The following TRPV3 variants were observed in gnomAD, a reference collection of about 807,000 sequenced individuals.
TRPV3 encodes the protein transient receptor potential cation channel subfamily V member 3, also known as VRL-3.
TRPV3 carries 88 observed loss-of-function variants against 87.1 expected under a neutral mutation model. The ratio of observed to expected loss-of-function variants is 1.01; its 90% CI spans 0.85 to 1.21. The LOEUF (loss-of-function observed/expected upper bound fraction) is 1.21, where lower values mean the gene tolerates loss of function less well. Ranked by LOEUF, TRPV3 falls within the 50% of genes most tolerant of loss-of-function variation. TRPV3 has a pLI of 0.00. For missense variants in TRPV3, 1,054 were observed against 1,030.1 expected, an observed-to-expected ratio of 1.02 and a Z score of -0.32; for synonymous variants, 438 against 423.3, an observed-to-expected ratio of 1.03 and a Z score of -0.43.
chr17:3,543,733 A>G, intron 4 of TRPV3, 105 bp from the exon 5 acceptor site: 5 of 1,463,852 alleles, frequency 3.4e-6, no homozygotes, highest in Non-Finnish European at 4.7e-6. Context: ...TGCCGCCAAC[A>G]TCTCCCATGC....
At chr17:3,517,993 A>G (rs1468461782) in intron 15 of TRPV3, among the ~76,000 whole-genome samples, 2 of 151,702 alleles carry the variant, frequency 1.3e-5, no homozygotes, top group Non-Finnish European at 2.9e-5. Context: ...TAGCTTTTGT[A>G]TTTTTAGTAG....
chr17:3,528,866 C>T lies in TRPV3; in HGVS notation c.1372G>A (p.Val458Ile), dbSNP rs767698239. 20 of 1,614,136 alleles carry T rather than the reference C, an allele frequency of 1.2e-5. No individual in the cohort carries two copies. Among genetic ancestry groups the T allele is most frequent in the East Asian group, 2.2e-5 (1 of 44,880 alleles). The change falls in exon 10 of 18, where the codon GTC becomes ATC. Residue 458 changes from valine to isoleucine, a missense_variant. Physicochemically the swap from Val to Ile is conservative, Grantham distance 29. Transcript: ENST00000576742. This position sits in a 1 kb window ranked among gnomAD's most constrained non-coding sequence, Gnocchi z 4.2. Reference sequence around the variant, plus strand: ...TCCTCCCGGGGGCGGTAGTACGAGACGAGGGTCAGGGTGATGTTGTAGAAG... The same window carrying T: ...TCCTCCCGGGGGCGGTAGTACGAGATGAGGGTCAGGGTGATGTTGTAGAAG... The part of the protein sequence containing the change: ...YFFYNITLTL[V>I]SYYRPREEEA...
intron 9 of TRPV3, among the ~76,000 whole-genome samples, chr17:3,529,483 G>C (rs1432732492): frequency 1.3e-5 from 2 of 152,060 alleles, no homozygotes; most frequent in Non-Finnish European, 2.9e-5. Flanking sequence ...GGAAGACCCA[G>C]CCTGCTGCCT....
chr17:3,534,406 T>C (rs551562681), intron 7 of TRPV3, among the ~76,000 whole-genome samples: 2 of 151,488 alleles, frequency 1.3e-5, no homozygotes, highest in East Asian at 3.9e-4. Context: ...AAAATAAAAA[T>C]AAAAAAAATA....
Position 3,543,459 on chromosome 17 carries a change from G to C in TRPV3, c.466+15C>G. 6.2e-7 allele frequency: 1 copy of C among 1,611,954 alleles called. No individual in the cohort carries two copies. Among genetic ancestry groups the C allele is most frequent in the Non-Finnish European group, 8.5e-7 (1 of 1,179,914 alleles). On this transcript the variant is annotated intron_variant, in intron 5 of 17. Transcript: ENST00000576742. ...GCCCCCAGCCCTGCACCCTCTGCCA[G>C]GCTCAGACACTCACCAGGCACATCC...
At chr17:3,542,935 C>T (rs1165731897) in intron 5 of TRPV3, among the ~76,000 whole-genome samples, 1 of 152,066 alleles carries the variant, frequency 6.6e-6, no homozygotes, top group African/African-American at 2.4e-5. Flanking sequence ...TTGCTCTTTG[C>T]CCACTGTATG....
In TRPV3 at chr17:3,542,675, C is replaced by G; in HGVS notation, c.490G>C (p.Ala164Pro). 5.0e-6 allele frequency: 8 copies of G among 1,613,956 alleles called. No homozygotes were observed. The highest frequency in any genetic ancestry group is 6.8e-6 in the Non-Finnish European group (8 of 1,179,902). Residue 164 changes from alanine (A) to proline (P), a missense_variant, in exon 6 of 18, where the codon GCC becomes CCC. Physicochemically the swap from Ala to Pro is conservative, Grantham distance 27 (BLOSUM62 -1). Transcript: ENST00000576742. ...VPDFLMHKLT[A>P]SDTGKTCLMK... ...AGGCAGGTCTTCCCCGTGTCGGAGG[C>G]CGTCAGCTTGTGCATGAGGAAGTCT...
chr17:3,547,581 A>G lies in TRPV3; in HGVS notation c.120-2310T>C, dbSNP rs552529645. On this transcript the variant is annotated intron_variant, in intron 2 of 17. Coordinates refer to ENST00000576742, the MANE Select transcript of TRPV3 (RefSeq NM_145068.4). ...GGTTGCAGTGAGCCAAGATCGCACC[A>G]TTGCACTCCAGGCTGGGTGACAGAG... is the stretch of plus-strand genomic sequence containing the variant. Among the ~76,000 whole-genome samples the G allele has an allele frequency of 2.8e-4, 42 of 152,224 alleles. 1 individual carries two copies. The South Asian group carries it at 8.5e-3, about 31-fold the overall frequency.
Position 3,512,506 on chromosome 17 carries a change from G to T in TRPV3, c.*1411C>A, listed in dbSNP as rs1020389347. 2 of 152,200 alleles carry T rather than the reference G, an allele frequency of 1.3e-5. No homozygotes were observed. The highest frequency in any genetic ancestry group is 2.9e-5 in the Non-Finnish European group (2 of 68,040). The allele number at this position is 152,200 out of a possible 1,614,324, so 9.4% of individuals were successfully genotyped here. A position where few individuals can be genotyped will look rare whatever the true frequency, so the allele number is the denominator to read the frequency against. ...GAACTTATCTATCGCCATGTTATCT[G>T]AAGGCCAAATTTCTATTTCTGCCAT... On this transcript the variant is annotated 3_prime_UTR_variant, in exon 18 of 18. Coordinates refer to ENST00000576742, the MANE Select transcript of TRPV3 (RefSeq NM_145068.4).
intron 2 of TRPV3, among the ~76,000 whole-genome samples, chr17:3,549,423 T>C (rs1172391759): frequency 6.6e-6 from 1 of 152,172 alleles, no homozygotes; most frequent in Non-Finnish European, 1.5e-5. Context: ...CTCTGGACAA[T>C]ACACCATCCT....
chr17:3,554,871 G>T lies in TRPV3; in HGVS notation c.-2-19C>A. On this transcript the variant is annotated intron_variant, in intron 1 of 17. Transcript: ENST00000576742. ...TTCATGGCTGGAATACAACCACAGG[G>T]CAGATGCTCAGGCCGGGGGGACAGG... is the stretch of plus-strand genomic sequence containing the variant. 6.4e-7 allele frequency: 1 copy of T among 1,570,320 alleles called. No individual in the cohort carries two copies. The highest frequency in any genetic ancestry group is 8.7e-7 in the Non-Finnish European group (1 of 1,148,590).
At position 3,556,157 on chromosome 17, in the gene TRPV3, A is replaced by C. The variant is rs571496349; in HGVS notation, c.-2-1305T>G. 0.011 allele frequency among the ~76,000 whole-genome samples: 1,615 copies of C among 151,396 alleles called. 29 individuals are homozygous for C. Among genetic ancestry groups the C allele is most frequent in the African/African-American group, 0.036 (1,490 of 41,344 alleles). On this transcript the variant is annotated intron_variant, in intron 1 of 17. Transcript: ENST00000576742. This position sits in a 1 kb window ranked among gnomAD's most constrained non-coding sequence, Gnocchi z 4.2. Reference sequence around the variant, plus strand: ...GTGCCACTGCACTCCAGCCTGGGCGACAGAGCGAGACTCCGTCTCAAAAAA... The same window carrying C: ...GTGCCACTGCACTCCAGCCTGGGCGCCAGAGCGAGACTCCGTCTCAAAAAA...
rs1356698622 is a variant in TRPV3, at chr17:3,544,668, G to A, written c.225-3C>T. On this transcript the variant is annotated splice_region_variant and splice_polypyrimidine_tract_variant and intron_variant, in intron 3 of 17. Transcript: ENST00000576742. ...TGTCATCACAGTTACCAGAGATGCT[G>A]GAGGTGTTGGCAGGGGGAACAGAGA... 3.7e-6 allele frequency: 6 copies of A among 1,607,112 alleles called. No individual in the cohort carries two copies. The highest frequency in any genetic ancestry group is 1.3e-5 in the African/African-American group (1 of 74,798).
At chr17:3,547,602 C>T (rs1230248268) in intron 2 of TRPV3, among the ~76,000 whole-genome samples, 1 of 151,972 alleles carries the variant, frequency 6.6e-6, no homozygotes, top group Non-Finnish European at 1.5e-5. Flanking sequence ...GGCTGGGTGA[C>T]AGAGGGAGAC....
Position 3,535,671 on chromosome 17 carries a change from T to TC in TRPV3, c.685dup (p.Asp229GlyfsTer35). ...GGCGGCGATGAGCAGGGCTGCGATG[T>TC]CCCCCTGCCGCCGCTCGATGGCGAT... On this transcript the variant is annotated frameshift_variant, in exon 7 of 18. Transcript: ENST00000576742. LOFTEE classifies it high-confidence loss of function. 5.6e-6 allele frequency: 9 copies of TC among 1,593,564 alleles called. No homozygotes were observed. The highest frequency in any genetic ancestry group is 6.8e-6 in the Non-Finnish European group (8 of 1,172,272).
chr17:3,537,890 TTTAAAA>T (rs762767735), intron 6 of TRPV3, among the ~76,000 whole-genome samples: 2 of 25,108 alleles, frequency 8.0e-5, no homozygotes, highest in Non-Finnish European at 5.4e-4. Flanking sequence ...ACTCTGTCTT[TTTAAAA>T]AAAAAAAAAA....
chr17:3,543,037 C>T (rs1308636349), intron 5 of TRPV3, among the ~76,000 whole-genome samples: 2 of 151,990 alleles, frequency 1.3e-5, no homozygotes, highest in African/African-American at 4.8e-5. Context: ...CATGGCCTCC[C>T]CATCAACCTG....
intron 1 of TRPV3, among the ~76,000 whole-genome samples, chr17:3,555,175 G>C (rs322964): frequency 0.37 from 55,584 of 150,958 alleles, 10,371 homozygotes; most frequent in South Asian, 0.41. Context: ...CCCTGAACTA[G>C]TGGAGAGTCC....
Position 3,530,143 on chromosome 17 carries a change from T to A in TRPV3, c.1126A>T (p.Lys376Ter). Residue 376 changes from lysine to a stop codon, truncating the protein, a stop_gained, in exon 9 of 18, where the codon AAG (lysine) becomes TAG (stop). Transcript: ENST00000576742. LOFTEE classifies it high-confidence loss of function. This position sits in a 1 kb window ranked among gnomAD's most constrained non-coding sequence, Gnocchi z 4.0. The part of the protein sequence containing the change: ...KEKRLRSLSR[K>*]FTDWAYGPVS... ...GGTCCGTACGCCCAGTCGGTGAACT[T>A]CCTGGACAGGCTCCGGAGCCGCTTC... The A allele has an allele frequency of 6.2e-7, 1 of 1,614,026 alleles. No individual in the cohort carries two copies. Among genetic ancestry groups the A allele is most frequent in the South Asian group, 1.1e-5 (1 of 91,036 alleles).
Sources: gnomAD v4.1 joint callset for allele counts (sites outside exome capture counted in the v4.1 genomes callset) on GRCh38, gnomAD v4.1.1 for gene constraint, Gnocchi (gnomAD v3.1) non-coding constraint, MANE v1.5 for transcripts, NCBI Gene and HGNC (gene_info 2026-07-23, HGNC 2026-07-21) for gene names.